The following NTM variants were observed in gnomAD, a reference collection of about 807,000 sequenced individuals.
NTM encodes the protein IgLON family member 2.
NTM carries 13 observed loss-of-function variants against 42.1 expected under a neutral mutation model. That is an observed-to-expected ratio of 0.31 (90% CI 0.20 to 0.49). The LOEUF (loss-of-function observed/expected upper bound fraction) is 0.49. Among genes scored for constraint, NTM ranks in the 20% least tolerant of loss-of-function variants. NTM has a pLI of 0.99. For synonymous variants in NTM, 187 were observed against 179.2 expected, an observed-to-expected ratio of 1.04 and a Z score of -0.35; for missense variants, 373 against 452.8, an observed-to-expected ratio of 0.82 and a Z score of 1.60.
At chr11:131,868,311 C>G (rs2047430960) in intron 1 of NTM, among the ~76,000 whole-genome samples, 1 of 152,142 alleles carries the variant, frequency 6.6e-6, no homozygotes, top group African/African-American at 2.4e-5. Context: ...CAAAACCTCC[C>G]TCCTACCTCT....
chr11:132,235,066 T>C (rs2088512898), intron 4 of NTM, among the ~76,000 whole-genome samples: 1 of 152,194 alleles, frequency 6.6e-6, no homozygotes, highest in African/African-American at 2.4e-5. Context: ...ATCTGAAGAC[T>C]CTGTTGTAGC....
intron 1 of NTM, among the ~76,000 whole-genome samples, chr11:131,604,627 T>C (rs1051799294): frequency 1.4e-5 from 2 of 144,520 alleles, no homozygotes; most frequent in Non-Finnish European, 3.1e-5. Flanking sequence ...TTTACCCATA[T>C]ATATTCTTCT....
At chr11:131,736,140 A>T (rs554823061) in intron 1 of NTM, among the ~76,000 whole-genome samples, 9 of 152,204 alleles carry the variant, frequency 5.9e-5, no homozygotes, top group African/African-American at 2.2e-4. Context: ...GCCTCATGAG[A>T]TAAATATTAA....
intron 1 of NTM, among the ~76,000 whole-genome samples, chr11:131,752,466 T>C (rs932149538): frequency 5.9e-5 from 9 of 152,224 alleles, no homozygotes; most frequent in Non-Finnish European, 1.5e-5. Flanking sequence ...TCAACCATTG[T>C]GGAAGTCAGT....
At chr11:132,311,337 G>A (rs141308634) in intron 6 of NTM, among the ~76,000 whole-genome samples, 171 of 152,112 alleles carry the variant, frequency 1.1e-3, no homozygotes, top group Non-Finnish European at 2.2e-3. Context: ...GAAAAGCAGT[G>A]TTTTGTTTTT....
At chr11:132,139,883 G>A (rs1333627996) in intron 2 of NTM, among the ~76,000 whole-genome samples, 2 of 152,178 alleles carry the variant, frequency 1.3e-5, no homozygotes, top group Non-Finnish European at 2.9e-5. Context: ...ACAATGTTCT[G>A]TAGAGACACA....
intron 2 of NTM, among the ~76,000 whole-genome samples, chr11:131,985,155 C>T (rs1171103671): frequency 1.3e-5 from 2 of 152,160 alleles, no homozygotes; most frequent in Admixed American, 1.3e-4. Flanking sequence ...GAGGAGTAAT[C>T]AATCCCAGAA....
chr11:131,402,108 G>A (rs1038173371), intron 1 of NTM, among the ~76,000 whole-genome samples: 11 of 151,620 alleles, frequency 7.3e-5, no homozygotes, highest in East Asian at 3.9e-4. Flanking sequence ...GCAAAGGGTC[G>A]TCATTGACCT....
chr11:132,048,711 C>A (rs1298970303), intron 2 of NTM, among the ~76,000 whole-genome samples: 2 of 152,146 alleles, frequency 1.3e-5, no homozygotes, highest in African/African-American at 4.8e-5. Flanking sequence ...ATTCTGACAT[C>A]CTCAAAACAG....
chr11:132,303,813 G>T (rs961187522), intron 4 of NTM, among the ~76,000 whole-genome samples: 2 of 152,024 alleles, frequency 1.3e-5, no homozygotes, highest in African/African-American at 4.8e-5. Flanking sequence ...CAGTGGCAGT[G>T]GTGGCGTGGT....
intron 1 of NTM, among the ~76,000 whole-genome samples, chr11:131,547,516 T>C (rs1396924207): frequency 4.6e-5 from 7 of 152,010 alleles, no homozygotes; most frequent in Non-Finnish European, 7.4e-5. Flanking sequence ...TTCAGTGAAA[T>C]GGTTTTGTGG....
rs145946180 is a variant in NTM at position 132,297,643 on chromosome 11, G to A, written c.527-10046G>A. Among the ~76,000 whole-genome samples, 510 of 152,222 alleles carry A rather than the reference G, an allele frequency of 3.4e-3. 1 individual carries two copies. Among genetic ancestry groups the A allele is most frequent in the African/African-American group, 0.01 (417 of 41,526 alleles). ...CCACAAAATATTTAATGAAACATAC[G>A]TAAGGCTCTGCTTCCCCGTGGAGTG... On this transcript the variant is annotated intron_variant, in intron 4 of 8. Coordinates refer to ENST00000683400, the MANE Select transcript of NTM (RefSeq NM_001352005.2).
intron 1 of NTM, among the ~76,000 whole-genome samples, chr11:131,473,542 G>C (rs772292011): frequency 2.0e-5 from 3 of 152,150 alleles, no homozygotes; most frequent in African/African-American, 7.2e-5. Flanking sequence ...GGATAAGCAG[G>C]CTTTCAATAA....
intron 1 of NTM, among the ~76,000 whole-genome samples, chr11:131,646,828 G>A (rs900896330): frequency 6.6e-6 from 1 of 152,162 alleles, no homozygotes; most frequent in Non-Finnish European, 1.5e-5. Flanking sequence ...ACTATTCCCA[G>A]TGAGACATAT....
intron 1 of NTM, among the ~76,000 whole-genome samples, chr11:131,666,833 G>A (rs368619663): frequency 2.6e-4 from 40 of 152,314 alleles, no homozygotes; most frequent in African/African-American, 9.1e-4. Context: ...CCAGGGAGGG[G>A]GGCATTCTTT....
intron 4 of NTM, among the ~76,000 whole-genome samples, chr11:132,273,546 GCTTT>G (rs1254895733): frequency 6.6e-6 from 1 of 151,972 alleles, no homozygotes; most frequent in African/African-American, 2.4e-5. Context: ...CTATGCCTAA[GCTTT>G]CTTTGTGAGT....
intron 1 of NTM, among the ~76,000 whole-genome samples, chr11:131,899,293 C>T (rs2052763754): frequency 6.6e-6 from 1 of 152,140 alleles, no homozygotes; most frequent in African/African-American, 2.4e-5. Flanking sequence ...CAAGGCGGGC[C>T]AACTAACCCT....
intron 1 of NTM, among the ~76,000 whole-genome samples, chr11:131,587,930 A>G (rs149707105): frequency 1.8e-4 from 28 of 152,352 alleles, no homozygotes; most frequent in African/African-American, 5.8e-4. Flanking sequence ...CTGATGAGGA[A>G]GAGTGACCCA....
intron 3 of NTM, among the ~76,000 whole-genome samples, chr11:132,171,150 T>C (rs2076057997): frequency 6.6e-6 from 1 of 152,204 alleles, no homozygotes; most frequent in African/African-American, 2.4e-5. Context: ...TCTTCACTTA[T>C]CTCTTCAGAT....
Sources: gnomAD v4.1 joint callset for allele counts (sites outside exome capture counted in the v4.1 genomes callset) on GRCh38, gnomAD v4.1.1 for gene constraint, MANE v1.5 for transcripts, NCBI Gene and HGNC (gene_info 2026-07-23, HGNC 2026-07-21) for gene names.